TACC1: variants seen among roughly 807,000 people sequenced by gnomAD.
TACC1 encodes transforming acidic coiled-coil-containing protein 1.
TACC1 carries 48 observed loss-of-function variants against 84.4 expected under a neutral mutation model. The ratio of observed to expected loss-of-function variants is 0.57; its 90% CI spans 0.45 to 0.72. TACC1 has a LOEUF of 0.72. Among genes scored for constraint, TACC1 ranks in the 30% least tolerant of loss-of-function variants. The probability of loss-of-function intolerance (pLI) is 0.00; values close to 1 mark genes in which losing one functional copy is unlikely to be tolerated. For synonymous variants in TACC1, 372 were observed against 376.3 expected, an observed-to-expected ratio of 0.99 and a Z score of 0.13; for missense variants, 920 against 973.0, an observed-to-expected ratio of 0.95 and a Z score of 0.72.
intron 3 of TACC1, among the ~76,000 whole-genome samples, chr8:38,755,159 CA>C (rs35992046): frequency 0.27 from 19,585 of 72,082 alleles, 782 homozygotes; most frequent in Non-Finnish European, 0.3. Flanking sequence ...GACTCCATCT[CA>C]AAAAAAAAAA....
At chr8:38,747,327 A>G (rs78623571) in intron 3 of TACC1, among the ~76,000 whole-genome samples, 1 of 152,230 alleles carries the variant, frequency 6.6e-6, no homozygotes, top group African/African-American at 2.4e-5. Context: ...TACTTTTACC[A>G]TATGATTCAA....
chr8:38,833,530 G>C (rs1177985335), intron 6 of TACC1, among the ~76,000 whole-genome samples: 1 of 152,174 alleles, frequency 6.6e-6, no homozygotes, highest in African/African-American at 2.4e-5. Context: ...GCTGGGGAGA[G>C]TCGGCAGGCT....
intron 9 of TACC1, 52 bp downstream of exon 9, chr8:38,840,319 G>T: frequency 6.6e-7 from 1 of 1,526,014 alleles, no homozygotes; most frequent in Non-Finnish European, 9.1e-7. Flanking sequence ...ATCTGTCTTA[G>T]TCTGTTCAGC....
chr8:38,822,736 A>C (rs1827159267), intron 3 of TACC1, among the ~76,000 whole-genome samples: 1 of 152,158 alleles, frequency 6.6e-6, no homozygotes, highest in Admixed American at 6.5e-5. Flanking sequence ...TACTTTTTAA[A>C]ATTTTTGTTA....
intron 3 of TACC1, among the ~76,000 whole-genome samples, chr8:38,751,913 T>A (rs1029955635): frequency 6.6e-6 from 1 of 152,148 alleles, no homozygotes; most frequent in Non-Finnish European, 1.5e-5. Context: ...TAGAACAGAA[T>A]CTGAGCACAT....
At chr8:38,770,568 G>T (rs184778194) in intron 3 of TACC1, among the ~76,000 whole-genome samples, 42 of 152,300 alleles carry the variant, frequency 2.8e-4, no homozygotes, top group Non-Finnish European at 5.6e-4. Flanking sequence ...GGTCTGCGCC[G>T]CGCCTCCTTT....
Position 38,787,362 on chromosome 8 carries a change from C to G in TACC1, c.-221C>G. 1 of 1,317,524 alleles carries G rather than the reference C, an allele frequency of 7.6e-7. No individual in the cohort carries two copies. The highest frequency in any genetic ancestry group is 3.2e-5 in the East Asian group (1 of 31,008). 81.6% of individuals were successfully genotyped at this position (1,317,524 alleles called of 1,614,324 possible). On this transcript the variant is annotated 5_prime_UTR_variant, in exon 1 of 13. Transcript: ENST00000317827. ...GAGCCCGGCGCGGGGCCCGCTGCGG[C>G]CGCACCGTGAGGGGAGGAGGCCGAG...
chr8:38,789,689 A>C (rs1056266224), intron 2 of TACC1, among the ~76,000 whole-genome samples: 1 of 152,200 alleles, frequency 6.6e-6, no homozygotes, highest in Non-Finnish European at 1.5e-5. Flanking sequence ...ACCTGAAGGC[A>C]GATTGAGGGA....
intron 2 of TACC1, among the ~76,000 whole-genome samples, chr8:38,806,114 TTCTA>T (rs1822631441): frequency 6.6e-6 from 1 of 152,298 alleles, no homozygotes; most frequent in African/African-American, 2.4e-5. Flanking sequence ...GAGGGGATAA[TTCTA>T]TCTGTTTGAG....
chr8:38,751,594 T>A (rs1174758614), intron 3 of TACC1, among the ~76,000 whole-genome samples: 2 of 152,250 alleles, frequency 1.3e-5, no homozygotes, highest in Non-Finnish European at 1.5e-5. Flanking sequence ...TAACAGCATG[T>A]ACTCACTTCA....
chr8:38,840,586 A>G, intron 9 of TACC1: 2 of 206,424 alleles, frequency 9.7e-6, no homozygotes, highest in Non-Finnish European at 1.9e-5. Flanking sequence ...TCAATACACA[A>G]ATTTGGGGTT....
At chr8:38,776,413 A>AT (rs1211722852) in intron 3 of TACC1, among the ~76,000 whole-genome samples, 1 of 152,186 alleles carries the variant, frequency 6.6e-6, no homozygotes, top group Non-Finnish European at 1.5e-5. Flanking sequence ...CATCATTGAG[A>AT]TACAGGTAGA....
chr8:38,770,042 G>C (rs926658865), intron 3 of TACC1, among the ~76,000 whole-genome samples: 1 of 151,622 alleles, frequency 6.6e-6, no homozygotes, highest in Non-Finnish European at 1.5e-5. Context: ...GCATGCGTGT[G>C]GTGTGTGTGT....
intron 11 of TACC1, among the ~76,000 whole-genome samples, chr8:38,844,056 T>A (rs1831760567): frequency 6.6e-6 from 1 of 152,262 alleles, no homozygotes; most frequent in Non-Finnish European, 1.5e-5. Flanking sequence ...CTCTTTTTTC[T>A]ACAACTGTGC....
At chr8:38,781,747 C>T (rs1816036532) in intron 3 of TACC1, among the ~76,000 whole-genome samples, 1 of 151,980 alleles carries the variant, frequency 6.6e-6, no homozygotes, top group Non-Finnish European at 1.5e-5. Flanking sequence ...TTAAATTCCA[C>T]CCTCCCCACA....
chr8:38,769,891 TG>T (rs1344160497), intron 3 of TACC1, among the ~76,000 whole-genome samples: 3 of 149,206 alleles, frequency 2.0e-5, no homozygotes, highest in Non-Finnish European at 4.5e-5. Context: ...AGACTGGGTA[TG>T]GGTGAGGGTG....
At position 38,819,966 on chromosome 8, in the gene TACC1, A is replaced by G; in HGVS notation, c.722A>G (p.Lys241Arg). Residue 241 changes from lysine (K) to arginine (R), a missense_variant, in exon 3 of 13, where the codon AAA (lysine) becomes AGA (arginine). Transcript: ENST00000317827. ...RKPKPVPLRKKAIGGEFSDTN... is the reference protein window; with the variant it reads ...RKPKPVPLRKRAIGGEFSDTN... ...CCCAAGCCTGTCCCCCTGAGGAAGAAAGCAATTGGAGGAGAGTTCTCAGAC... is the reference window on the plus strand; with the variant it reads ...CCCAAGCCTGTCCCCCTGAGGAAGAGAGCAATTGGAGGAGAGTTCTCAGAC... The G allele has an allele frequency of 6.2e-7, 1 of 1,614,100 alleles. No homozygotes were observed. The highest frequency in any genetic ancestry group is 8.5e-7 in the Non-Finnish European group (1 of 1,180,040).
In TACC1 at chr8:38,840,271, AG is replaced by A; in HGVS notation, c.1960+6del. On this transcript the variant is annotated splice_donor_5th_base_variant and intron_variant, in intron 9 of 12. Transcript: ENST00000317827. ...AAGACTATTGCTCAAATGATTGGTA[AG>A]GAGAACATTTTGTTTTTTGAGGGTA... 6.2e-7 allele frequency: 1 copy of A among 1,612,754 alleles called. No individual in the cohort carries two copies. Among genetic ancestry groups the A allele is most frequent in the Non-Finnish European group, 8.5e-7 (1 of 1,178,978 alleles).
At chr8:38,776,062 T>C (rs1814738647) in intron 3 of TACC1, among the ~76,000 whole-genome samples, 1 of 152,234 alleles carries the variant, frequency 6.6e-6, no homozygotes, top group Non-Finnish European at 1.5e-5. Flanking sequence ...TTTATTATTG[T>C]TATTATTTAT....
Sources: allele counts gnomAD v4.1 joint callset (sites outside exome capture counted in the v4.1 genomes callset), GRCh38; gene constraint gnomAD v4.1.1; transcripts MANE v1.5; gene names NCBI Gene and HGNC (gene_info 2026-07-23, HGNC 2026-07-21).